Variants in DYNC2I2 observed in about 807,000 individuals in gnomAD.
The protein encoded by DYNC2I2 is cytoplasmic dynein 2 intermediate chain 2.
Under a neutral mutation model 52.0 loss-of-function variants are expected in DYNC2I2, and 39 were observed. The ratio of observed to expected loss-of-function variants is 0.75; its 90% CI spans 0.58 to 0.98. The LOEUF (loss-of-function observed/expected upper bound fraction) is 0.98, where lower values mean the gene tolerates loss of function less well. DYNC2I2 is among the 50% of genes least tolerant of loss of function. The pLI, the probability that DYNC2I2 is intolerant of heterozygous loss-of-function variation, is 0.00. For missense variants in DYNC2I2, 743 were observed against 728.4 expected, an observed-to-expected ratio of 1.02 and a Z score of -0.23; for synonymous variants, 359 against 321.1, an observed-to-expected ratio of 1.12 and a Z score of -1.26.
At chr9:128,680,287 C>T in the DYNC2I2 span, among the ~76,000 whole-genome samples, 2 of 152,058 alleles carry the variant, frequency 1.3e-5, no homozygotes, top group Non-Finnish European at 2.9e-5. Flanking sequence ...TCTCAAACTC[C>T]TGGCCTCACG....
At chr9:128,645,840 T>G (rs1304761531) in intron 1 of DYNC2I2, among the ~76,000 whole-genome samples, 1 of 152,130 alleles carries the variant, frequency 6.6e-6, no homozygotes, top group Non-Finnish European at 1.5e-5. Context: ...TGAAGGAAAT[T>G]AAAAGTGCTA....
chr9:128,656,424 C>T (rs1860825422), intron 1 of DYNC2I2, 117 bp downstream of exon 1: 1 of 859,256 alleles, frequency 1.2e-6, no homozygotes, highest in Non-Finnish European at 1.5e-6. Flanking sequence ...CCGGCAGCCA[C>T]GGTGGGACGC....
At chr9:128,643,307 A>C (rs989605029) in intron 1 of DYNC2I2, among the ~76,000 whole-genome samples, 1 of 152,074 alleles carries the variant, frequency 6.6e-6, no homozygotes, top group African/African-American at 2.4e-5. Context: ...CGGGTTGATC[A>C]TGAGGTCAGG....
At position 128,656,676 on chromosome 9, in the gene DYNC2I2, A is replaced by C; in HGVS notation, c.51T>G (p.Gly17=). 1 of 1,504,020 alleles carries C rather than the reference A, an allele frequency of 6.6e-7. No individual in the cohort carries two copies. Among genetic ancestry groups the C allele is most frequent in the Non-Finnish European group, 8.8e-7 (1 of 1,136,446 alleles). 93.2% of individuals were successfully genotyped at this position (1,504,020 alleles called of 1,614,324 possible). A position where few individuals can be genotyped will look rare whatever the true frequency, so the allele number is the denominator to read the frequency against. The change falls in exon 1 of 9, where the codon GGT becomes GGG. Residue 17 remains glycine, a synonymous_variant. Transcript: ENST00000372715. ...PGPLSQAGSA[G]VAALATVGVA... ...CCCCGACTGTCGCCAGCGCCGCAAC[A>C]CCAGCGCTTCCCGCCTGGCTGAGTG...
At chr9:128,681,427 G>A in the DYNC2I2 span, among the ~76,000 whole-genome samples, 1 of 152,124 alleles carries the variant, frequency 6.6e-6, no homozygotes, top group African/African-American at 2.4e-5. Context: ...TCCTTTCCTT[G>A]AATATCTCAC....
chr9:128,661,316 A>C (rs576903642), upstream of DYNC2I2, among the ~76,000 whole-genome samples: 16 of 151,234 alleles, frequency 1.1e-4, no homozygotes, highest in East Asian at 3.1e-3. Context: ...AAAAAAAAAA[A>C]AAAAAAACAA....
At chr9:128,648,752 A>T (rs1860667615) in intron 1 of DYNC2I2, among the ~76,000 whole-genome samples, 1 of 151,296 alleles carries the variant, frequency 6.6e-6, no homozygotes, top group South Asian at 2.1e-4. Context: ...GTAAGCCAAG[A>T]TCGTGCCACT....
chr9:128,660,317 A>G (rs557013799), upstream of DYNC2I2, among the ~76,000 whole-genome samples: 34 of 150,520 alleles, frequency 2.3e-4, no homozygotes, highest in African/African-American at 7.7e-4. Context: ...TCACCGTGTT[A>G]GCCAGAATGG....
chr9:128,669,418 C>G, the DYNC2I2 span, among the ~76,000 whole-genome samples: 1 of 151,984 alleles, frequency 6.6e-6, no homozygotes, highest in Non-Finnish European at 1.5e-5. Context: ...AAAAAGAAGG[C>G]CCAGCGCAGT....
chr9:128,645,024 G>A (rs565419123), intron 1 of DYNC2I2, among the ~76,000 whole-genome samples: 9 of 152,022 alleles, frequency 5.9e-5, no homozygotes, highest in African/African-American at 2.2e-4. Flanking sequence ...CTCTCCTTGG[G>A]CCTCCCTATT....
In DYNC2I2 at chr9:128,639,087, A is replaced by G. The variant is rs529232570; in HGVS notation, c.435+1604T>C. Among the ~76,000 whole-genome samples, 7 of 152,230 alleles carry G rather than the reference A, an allele frequency of 4.6e-5. No homozygotes were observed. The East Asian group carries it at 1.3e-3, about 29-fold the overall frequency. ...ATCTGAACTACAGCCTGGGCAACATAGGAAGACCCTAACTCTAAAAAAATT... is the reference window on the plus strand; with the variant it reads ...ATCTGAACTACAGCCTGGGCAACATGGGAAGACCCTAACTCTAAAAAAATT... On this transcript the variant is annotated intron_variant, in intron 2 of 8. Transcript: ENST00000372715.
chr9:128,637,240 G>A (rs1190409222), intron 2 of DYNC2I2, among the ~76,000 whole-genome samples: 2 of 152,206 alleles, frequency 1.3e-5, no homozygotes, highest in East Asian at 1.9e-4. Context: ...AAGCAAGGCC[G>A]ACCAGGCTCC....
At chr9:128,676,188 A>T in the DYNC2I2 span, among the ~76,000 whole-genome samples, 1 of 151,994 alleles carries the variant, frequency 6.6e-6, no homozygotes, top group African/African-American at 2.4e-5. Flanking sequence ...TAAAGAAAAA[A>T]TATTAAAAAA....
chr9:128,660,698 C>G (rs965239323), upstream of DYNC2I2, among the ~76,000 whole-genome samples: 3 of 151,458 alleles, frequency 2.0e-5, no homozygotes, highest in African/African-American at 7.3e-5. Flanking sequence ...CCTGGCCTGA[C>G]AAAGCTGTCT....
At chr9:128,682,482 G>A in the DYNC2I2 span, among the ~76,000 whole-genome samples, 3 of 151,974 alleles carry the variant, frequency 2.0e-5, no homozygotes, top group Non-Finnish European at 4.4e-5. Flanking sequence ...TTGGAGACCA[G>A]CCTGGGCAAC....
chr9:128,636,146 G>A (rs1258838081), intron 4 of DYNC2I2, 135 bp downstream of exon 4: 1 of 1,338,466 alleles, frequency 7.5e-7, no homozygotes, highest in South Asian at 1.3e-5. Context: ...CTTCACCTGG[G>A]CTCCAGACTG....
chr9:128,651,485 T>G (rs1412301905), intron 1 of DYNC2I2: 2 of 54,872 alleles, frequency 3.6e-5, no homozygotes, highest in South Asian at 6.1e-4. Flanking sequence ...TGAGCCAAGA[T>G]CGTACCACTG....
upstream of DYNC2I2, among the ~76,000 whole-genome samples, chr9:128,660,912 T>A (rs896115543): frequency 5.3e-5 from 8 of 150,948 alleles, no homozygotes; most frequent in East Asian, 1.6e-3. Context: ...GTATTTTTAG[T>A]AGAGACGGGG....
chr9:128,674,717 TGA>T, the DYNC2I2 span, among the ~76,000 whole-genome samples: 1 of 152,100 alleles, frequency 6.6e-6, no homozygotes, highest in Non-Finnish European at 1.5e-5. Context: ...CACTCCAGCC[TGA>T]GAGAGAGATC....
Sources: allele counts gnomAD v4.1 joint callset (sites outside exome capture counted in the v4.1 genomes callset), GRCh38; gene constraint gnomAD v4.1.1; transcripts MANE v1.5; gene names NCBI Gene and HGNC (gene_info 2026-07-23, HGNC 2026-07-21).